CDH20: variants seen among roughly 807,000 people sequenced by gnomAD.
The protein encoded by CDH20 is cadherin 20.
In CDH20, 29 loss-of-function variants were observed where a neutral mutation model predicts 74.2. The observed-to-expected ratio is 0.39, with a 90% CI of 0.29 to 0.53. The LOEUF is 0.53. Ranked by LOEUF, CDH20 falls within the 20% of genes least tolerant of loss-of-function variation. The pLI, the probability that CDH20 is intolerant of heterozygous loss-of-function variation, is 0.69. For synonymous variants in CDH20, 469 were observed against 405.4 expected, an observed-to-expected ratio of 1.16 and a Z score of -1.88; for missense variants, 988 against 1,048.3, an observed-to-expected ratio of 0.94 and a Z score of 0.79.
At chr18:61,507,222 TG>T in intron 5 of CDH20, 150 bp from the exon 6 acceptor site, 1 of 679,084 alleles carries the variant, frequency 1.5e-6, no homozygotes, top group Non-Finnish European at 2.5e-6. Context: ...TCAGCCTTTC[TG>T]GACCTTAGTT....
At chr18:61,543,669 T>C (rs192557444) in intron 9 of CDH20, among the ~76,000 whole-genome samples, 2 of 152,314 alleles carry the variant, frequency 1.3e-5, no homozygotes, top group South Asian at 2.1e-4. Context: ...TCTGCATTTC[T>C]ACTCTGGGGA....
chr18:61,538,920 C>T, intron 8 of CDH20, 104 bp from the exon 9 acceptor site: 1 of 1,347,528 alleles, frequency 7.4e-7, no homozygotes, highest in East Asian at 2.3e-5. Flanking sequence ...GCGTGAGCCA[C>T]TGCGCCCAGT....
chr18:61,554,306 G>A lies in CDH20; in HGVS notation c.2017G>A (p.Glu673Lys), dbSNP rs1913542916. 1.9e-6 allele frequency: 3 copies of A among 1,613,842 alleles called. No homozygotes were observed. The highest frequency in any genetic ancestry group is 1.1e-5 in the South Asian group (1 of 91,078). The change falls in exon 12 of 12, where the codon GAG (glutamate) becomes AAG (lysine). Residue 673 changes from glutamate (E) to lysine (K), a missense_variant. By Grantham distance (56) the Glu-to-Lys change is moderately conservative. This residue lies in a region of CDH20 where 375 missense variants were observed against 293.1 expected (regional missense o/e 1.28). Transcript: ENST00000262717. ...CTACGACGACGAGGGCGGCGGCGAG[G>A]AGGACACCGAGGCCTTCGACATCGC... is the stretch of plus-strand genomic sequence containing the variant. ...VRYDDEGGGE[E>K]DTEAFDIAAM... is the part of the protein sequence containing the mutation.
intron 1 of CDH20, among the ~76,000 whole-genome samples, chr18:61,425,076 T>A (rs930376469): frequency 4.4e-5 from 6 of 137,886 alleles, no homozygotes; most frequent in African/African-American, 1.1e-4. Context: ...TCTCTCTCTC[T>A]CACTCACTCC....
intron 1 of CDH20, among the ~76,000 whole-genome samples, chr18:61,384,754 TA>T (rs1033688186): frequency 7.2e-5 from 11 of 152,098 alleles, no homozygotes; most frequent in Non-Finnish European, 1.2e-4. Flanking sequence ...TATTTACCTT[TA>T]AAAAAACTAA....
chr18:61,483,245 T>C (rs2144282178), intron 1 of CDH20, among the ~76,000 whole-genome samples: 1 of 152,262 alleles, frequency 6.6e-6, no homozygotes, highest in East Asian at 1.9e-4. Context: ...GACGAAGAAT[T>C]CCAGTTCATC....
chr18:61,519,990 T>C (rs1211700244), intron 6 of CDH20, among the ~76,000 whole-genome samples: 1 of 146,900 alleles, frequency 6.8e-6, no homozygotes, highest in Admixed American at 6.8e-5. Flanking sequence ...TCCTAGTCTC[T>C]GATAAAACAG....
chr18:61,460,960 A>G (rs1909746547), intron 1 of CDH20, among the ~76,000 whole-genome samples: 1 of 152,182 alleles, frequency 6.6e-6, no homozygotes, highest in African/African-American at 2.4e-5. Context: ...AGAATATCTC[A>G]GGTAATAAGT....
At chr18:61,449,568 G>A (rs528980000) in intron 1 of CDH20, among the ~76,000 whole-genome samples, 7 of 152,160 alleles carry the variant, frequency 4.6e-5, no homozygotes, top group Non-Finnish European at 8.8e-5. Flanking sequence ...AGGGAACATG[G>A]CACTTTAAAT....
At chr18:61,443,747 C>T (rs1909106466) in intron 1 of CDH20, among the ~76,000 whole-genome samples, 1 of 152,118 alleles carries the variant, frequency 6.6e-6, no homozygotes, top group Non-Finnish European at 1.5e-5. Flanking sequence ...AGCTCGTTAT[C>T]CCACTGTTGG....
Position 61,380,453 on chromosome 18 carries a change from C to T in CDH20, c.-153+46626C>T, listed in dbSNP as rs181259153. ...GGGTTGCTTTTGTGTTGTTGTTCAC[C>T]CAAGTAGAAATTAAAGCCAGTCCAT... On this transcript the variant is annotated intron_variant, in intron 1 of 11. Coordinates refer to ENST00000262717, the MANE Select transcript of CDH20 (RefSeq NM_031891.4). Among the ~76,000 whole-genome samples, 220 of 152,206 alleles carry T rather than the reference C, an allele frequency of 1.4e-3. 4 individuals are homozygous for T. The highest frequency in any genetic ancestry group is 1.3e-3 in the Non-Finnish European group (91 of 68,008).
chr18:61,461,229 A>G (rs1005300300), intron 1 of CDH20, among the ~76,000 whole-genome samples: 1 of 152,030 alleles, frequency 6.6e-6, no homozygotes, highest in African/African-American at 2.4e-5. Flanking sequence ...GAACTCATTC[A>G]AAATCGGATC....
At chr18:61,507,597 T>C (rs747921414) in intron 6 of CDH20, 37 bp downstream of exon 6, 1 of 1,463,424 alleles carries the variant, frequency 6.8e-7, no homozygotes, top group East Asian at 2.3e-5. Context: ...CTTTCATGGG[T>C]GCTTTGAATG....
intron 1 of CDH20, among the ~76,000 whole-genome samples, chr18:61,455,002 C>T (rs922662295): frequency 2.0e-5 from 3 of 152,172 alleles, no homozygotes; most frequent in Non-Finnish European, 2.9e-5. Context: ...GCCATAGAGG[C>T]CTTGCTTTCC....
At chr18:61,507,240 T>C (rs1196780354) in intron 5 of CDH20, 133 bp from the exon 6 acceptor site, 3 of 778,806 alleles carry the variant, frequency 3.9e-6, no homozygotes, top group Non-Finnish European at 6.2e-6. Context: ...AGTTTTTATC[T>C]GTAAAAACTC....
chr18:61,343,521 G>T (rs577672558), intron 1 of CDH20, among the ~76,000 whole-genome samples: 31 of 152,268 alleles, frequency 2.0e-4, no homozygotes, highest in Admixed American at 1.9e-3. Context: ...TAGATACCCA[G>T]TGTTTCCAGG....
At chr18:61,467,392 G>A (rs1909998886) in intron 1 of CDH20, among the ~76,000 whole-genome samples, 1 of 152,196 alleles carries the variant, frequency 6.6e-6, no homozygotes, top group East Asian at 1.9e-4. Flanking sequence ...CAAAAGTCAG[G>A]TATAGAGTGT....
chr18:61,449,973 G>T (rs722998), intron 1 of CDH20, among the ~76,000 whole-genome samples: 61,533 of 151,708 alleles, frequency 0.41, 13,085 homozygotes, highest in Admixed American at 0.54. Flanking sequence ...TTTCAGTGTA[G>T]ATGCAACTTG....
chr18:61,504,457 C>T (rs1418978878), intron 5 of CDH20, among the ~76,000 whole-genome samples: 2 of 151,934 alleles, frequency 1.3e-5, no homozygotes, highest in Non-Finnish European at 2.9e-5. Flanking sequence ...AAATAGAGGA[C>T]GCATAATGGA....
Sources: gnomAD v4.1 joint callset for allele counts (sites outside exome capture counted in the v4.1 genomes callset) on GRCh38, gnomAD v4.1.1 for gene constraint, gnomAD v4.1.1 regional missense constraint, MANE v1.5 for transcripts, NCBI Gene and HGNC (gene_info 2026-07-23, HGNC 2026-07-21) for gene names.